The following ATAD2B variants were observed in gnomAD, a reference collection of about 807,000 sequenced individuals.
ATAD2B encodes the protein ATPase family AAA domain containing 2B.
In ATAD2B, 40 loss-of-function variants were observed where a neutral mutation model predicts 167.6. That is an observed-to-expected ratio of 0.24 (90% CI 0.19 to 0.31). The LOEUF is 0.31. Ranked by LOEUF, ATAD2B falls within the 10% of genes least tolerant of loss-of-function variation. The pLI is 1.00. For synonymous variants in ATAD2B, 579 were observed against 596.5 expected (o/e 0.97, Z 0.43); for missense variants, 1,242 against 1,757.2 (o/e 0.71, Z 5.24).
intron 6 of ATAD2B, chr2:23,883,662 T>A (rs1043002324): frequency 8.2e-7 from 1 of 1,222,308 alleles, no homozygotes; most frequent in Non-Finnish European, 1.1e-6. Context: ...ATTTGCTCAA[T>A]AAAGTACCTT....
the ATAD2B span, chr2:23,707,324 A>G: frequency 2.0e-5 from 3 of 152,156 alleles, no homozygotes; most frequent in African/African-American, 7.2e-5. Flanking sequence ...AAGGACAGTG[A>G]TTGCGCTAGC....
the ATAD2B span, among the ~76,000 whole-genome samples, chr2:23,678,773 A>T: frequency 6.6e-6 from 1 of 152,200 alleles, no homozygotes; most frequent in African/African-American, 2.4e-5. Flanking sequence ...ATGTGGGTGA[A>T]CCTTAAGGAC....
At chr2:23,704,318 G>T in the ATAD2B span, among the ~76,000 whole-genome samples, 1 of 152,174 alleles carries the variant, frequency 6.6e-6, no homozygotes, top group Non-Finnish European at 1.5e-5. Context: ...AAGGCTGACT[G>T]GGCAAAAGCA....
the ATAD2B span, chr2:23,695,796 C>T: frequency 6.5e-7 from 1 of 1,550,232 alleles, no homozygotes; most frequent in Non-Finnish European, 8.7e-7. This position sits in a 1 kb window ranked among gnomAD's most constrained non-coding sequence, Gnocchi z 7.6. Context: ...TGCAGACGCC[C>T]CGAACCCGGC....
chr2:23,878,026 A>AAAAAAAAAAAAAAAAAAGG (rs1553440562), intron 7 of ATAD2B, among the ~76,000 whole-genome samples: 1 of 129,232 alleles, frequency 7.7e-6, no homozygotes, highest in East Asian at 3.5e-4. Flanking sequence ...AAAAAAAAAA[A>AAAAAAAAAAAAAAAAAAGG]AAAAAAAAAA....
downstream of ATAD2B, among the ~76,000 whole-genome samples, chr2:23,746,660 GA>G (rs1351726681): frequency 6.6e-6 from 1 of 152,130 alleles, no homozygotes; most frequent in Non-Finnish European, 1.5e-5. Context: ...TGCTTAGGGG[GA>G]AAATAAATCA....
At chr2:23,745,461 A>G (rs529970311), downstream of ATAD2B, among the ~76,000 whole-genome samples, 49 of 132,692 alleles carry the variant, frequency 3.7e-4, no homozygotes, top group Non-Finnish European at 6.6e-4. Context: ...GGAAGGAAGG[A>G]AAGGAAGGAA....
intron 14 of ATAD2B, chr2:23,832,381 A>C (rs1354205363): frequency 3.2e-6 from 1 of 315,054 alleles, no homozygotes. Flanking sequence ...AAATGTTAGA[A>C]AGGGAAAGTT....
At chr2:23,833,818 A>G in intron 14 of ATAD2B, 101 bp downstream of exon 14, 1 of 983,970 alleles carries the variant, frequency 1.0e-6, no homozygotes, top group African/African-American at 1.6e-5. Context: ...CTTAAGCAGA[A>G]AATCTGAACA....
the ATAD2B span, among the ~76,000 whole-genome samples, chr2:23,731,934 A>G: frequency 6.6e-6 from 1 of 151,944 alleles, no homozygotes; most frequent in Non-Finnish European, 1.5e-5. Flanking sequence ...ATACGACTGT[A>G]TAACTACACT....
chr2:23,693,387 C>T, the ATAD2B span: 89 of 1,551,698 alleles, frequency 5.7e-5, no homozygotes, highest in African/African-American at 5.6e-4. Context: ...CCGAGGTGGC[C>T]GCCCAGGAGG....
At chr2:23,704,414 C>T in the ATAD2B span, among the ~76,000 whole-genome samples, 9 of 152,318 alleles carry the variant, frequency 5.9e-5, no homozygotes, top group Non-Finnish European at 1.3e-4. Context: ...GGCAGCGAGA[C>T]ACCAGTCCCT....
At chr2:23,753,080 A>G (rs1224711656) in intron 27 of ATAD2B, among the ~76,000 whole-genome samples, 1 of 152,190 alleles carries the variant, frequency 6.6e-6, no homozygotes, top group Non-Finnish European at 1.5e-5. Context: ...AATACATCTA[A>G]GACACTTGCA....
chr2:23,797,240 A>C (rs1682767150), intron 19 of ATAD2B, among the ~76,000 whole-genome samples: 1 of 152,088 alleles, frequency 6.6e-6, no homozygotes, highest in African/African-American at 2.4e-5. Context: ...CCTGGGGAAA[A>C]TATTTCTAAG....
the ATAD2B span, among the ~76,000 whole-genome samples, chr2:23,682,114 C>T: frequency 3.3e-5 from 5 of 152,188 alleles, no homozygotes; most frequent in Non-Finnish European, 7.3e-5. This position sits in a 1 kb window ranked among gnomAD's most constrained non-coding sequence, Gnocchi z 4.1. Flanking sequence ...CCATGCCTCC[C>T]CCTCCCCACT....
At chr2:23,753,457 G>A (rs1170722071) in intron 27 of ATAD2B, among the ~76,000 whole-genome samples, 1 of 152,078 alleles carries the variant, frequency 6.6e-6, no homozygotes, top group Non-Finnish European at 1.5e-5. Flanking sequence ...AACAAAGGGA[G>A]TTGAATTAAG....
intron 14 of ATAD2B, among the ~76,000 whole-genome samples, chr2:23,829,355 A>T (rs1688704452): frequency 6.6e-6 from 1 of 152,248 alleles, no homozygotes; most frequent in Admixed American, 6.5e-5. Flanking sequence ...AACAAACTTT[A>T]CATTTCATAG....
chr2:23,696,011 C>A, the ATAD2B span: 1 of 1,551,696 alleles, frequency 6.4e-7, no homozygotes, highest in Non-Finnish European at 8.7e-7. The surrounding 1 kb of genome is among the most constrained non-coding windows in gnomAD (Gnocchi z 5.5). Context: ...ACCCAGCGCT[C>A]GCTGGTGGCC....
rs1558570231 is a variant in ATAD2B at position 23,808,140 on chromosome 2, A to ATATATATAATT, written c.2454+2175_2454+2176insAATTATATATA. 5.3e-4 allele frequency among the ~76,000 whole-genome samples: 56 copies of ATATATATAATT among 105,462 alleles called. 3 individuals carry two copies. Among genetic ancestry groups the ATATATATAATT allele is most frequent in the East Asian group, 1.7e-3 (7 of 4,226 alleles). 69.2% of individuals were successfully genotyped at this position (105,462 alleles called of 152,430 possible). On this transcript the variant is annotated intron_variant, in intron 18 of 27. Transcript: ENST00000238789. The stretch of plus-strand genomic sequence containing the variant: ...ATATAATTATTATATATAAGTGATT[A>ATATATATAATT]CTTATATTATATGTTATTTATATAT...
Sources: allele counts gnomAD v4.1 joint callset (sites outside exome capture counted in the v4.1 genomes callset), GRCh38; gene constraint gnomAD v4.1.1; non-coding constraint Gnocchi (gnomAD v3.1); transcripts MANE v1.5; gene names NCBI Gene and HGNC (gene_info 2026-07-23, HGNC 2026-07-21).